Variants in KLF12 observed in about 807,000 individuals in gnomAD.
The protein encoded by KLF12 is Krueppel-like factor 12.
In KLF12, 9 loss-of-function variants were observed where a neutral mutation model predicts 37.8. The observed-to-expected ratio is 0.24, with a 90% CI of 0.14 to 0.42. KLF12 has a LOEUF of 0.42. Among genes scored for constraint, KLF12 ranks in the 10% least tolerant of loss-of-function variants. The pLI, the probability that KLF12 is intolerant of heterozygous loss-of-function variation, is 1.00. For synonymous variants in KLF12, 208 were observed against 202.1 expected, an observed-to-expected ratio of 1.03 and a Z score of -0.25; for missense variants, 411 against 516.0, an observed-to-expected ratio of 0.80 and a Z score of 1.97.
chr13:74,016,505 G>A (rs1352059978), intron 1 of KLF12, among the ~76,000 whole-genome samples: 1 of 152,130 alleles, frequency 6.6e-6, no homozygotes, highest in Non-Finnish European at 1.5e-5. Context: ...AGGAGTACAG[G>A]CATGTGCCAC....
intron 3 of KLF12, among the ~76,000 whole-genome samples, chr13:73,920,912 G>A (rs368545715): frequency 5.4e-4 from 82 of 152,224 alleles, no homozygotes; most frequent in African/African-American, 1.8e-3. Flanking sequence ...GAAGCACAGC[G>A]AGGGGCTTTC....
At position 73,874,380 on chromosome 13, in the gene KLF12, A is replaced by G. The variant is rs116620410; in HGVS notation, c.124-28007T>C. Among the ~76,000 whole-genome samples, 722 of 152,312 alleles carry G rather than the reference A, an allele frequency of 4.7e-3. 6 individuals are homozygous for G. The highest frequency in any genetic ancestry group is 0.015 in the African/African-American group (638 of 41,570). On this transcript the variant is annotated intron_variant, in intron 3 of 7. Coordinates refer to ENST00000377669, the MANE Select transcript of KLF12 (RefSeq NM_007249.5). ...CATGCCTGTTCAATACGTTTAAGCA[A>G]TTACGCACTACCATAAATTAGAAAA...
At chr13:74,214,107 TA>T in the KLF12 span, among the ~76,000 whole-genome samples, 3 of 152,218 alleles carry the variant, frequency 2.0e-5, no homozygotes, top group Admixed American at 6.6e-5. Context: ...AAAAGTTACT[TA>T]TGATTTTTAT....
chr13:74,296,745 A>G, the KLF12 span, among the ~76,000 whole-genome samples: 1 of 152,200 alleles, frequency 6.6e-6, no homozygotes, highest in African/African-American at 2.4e-5. Context: ...ACCAAATCAC[A>G]TAAGAGAGCT....
At chr13:73,835,472 G>A (rs143286513) in intron 4 of KLF12, among the ~76,000 whole-genome samples, 1 of 152,244 alleles carries the variant, frequency 6.6e-6, no homozygotes, top group Non-Finnish European at 1.5e-5. Context: ...GTGAGGAGTG[G>A]AGGGAGACAG....
At chr13:74,031,296 A>G (rs1021286832) in intron 1 of KLF12, among the ~76,000 whole-genome samples, 3 of 152,196 alleles carry the variant, frequency 2.0e-5, no homozygotes, top group African/African-American at 7.2e-5. Context: ...AATTAGATTT[A>G]CACTCAACAA....
At chr13:74,258,636 A>G in the KLF12 span, 1 of 152,200 alleles carries the variant, frequency 6.6e-6, no homozygotes, top group Non-Finnish European at 1.5e-5. Context: ...TGTAACTAAG[A>G]AGTGTTATCT....
chr13:74,284,669 C>T, the KLF12 span, among the ~76,000 whole-genome samples: 347 of 152,268 alleles, frequency 2.3e-3, 2 homozygotes, highest in African/African-American at 7.8e-3. Flanking sequence ...CAGACAGATC[C>T]AATGGCTCTA....
At chr13:74,226,257 C>T in the KLF12 span, among the ~76,000 whole-genome samples, 4 of 151,934 alleles carry the variant, frequency 2.6e-5, no homozygotes, top group Admixed American at 6.6e-5. Flanking sequence ...GGAGAGGAGG[C>T]GACAATTCCA....
chr13:73,841,994 G>A (rs751490763), intron 4 of KLF12, among the ~76,000 whole-genome samples: 5 of 152,016 alleles, frequency 3.3e-5, no homozygotes, highest in Non-Finnish European at 5.9e-5. Flanking sequence ...GAGATGTCGG[G>A]GTGTTCTGTG....
At chr13:73,917,345 C>G (rs906165094) in intron 3 of KLF12, among the ~76,000 whole-genome samples, 3 of 152,176 alleles carry the variant, frequency 2.0e-5, no homozygotes, top group Non-Finnish European at 4.4e-5. Flanking sequence ...TTTACACTAA[C>G]CTTTCCAATG....
intron 2 of KLF12, among the ~76,000 whole-genome samples, chr13:73,966,659 A>G (rs549889511): frequency 3.3e-5 from 5 of 152,332 alleles, no homozygotes; most frequent in Admixed American, 1.3e-4. Context: ...AAAGTAGTCA[A>G]TTCCTTACAT....
At chr13:73,802,458 T>C (rs891836593) in intron 5 of KLF12, among the ~76,000 whole-genome samples, 1 of 152,186 alleles carries the variant, frequency 6.6e-6, no homozygotes, top group Non-Finnish European at 1.5e-5. Context: ...ATTTTTATTA[T>C]CTTATTTTTA....
chr13:74,093,242 C>T (rs1407179871), intron 1 of KLF12, among the ~76,000 whole-genome samples: 1 of 152,104 alleles, frequency 6.6e-6, no homozygotes, highest in African/African-American at 2.4e-5. Context: ...CTACAGCGGG[C>T]GGATAACTGG....
At chr13:74,220,888 TA>T in the KLF12 span, among the ~76,000 whole-genome samples, 5 of 152,242 alleles carry the variant, frequency 3.3e-5, no homozygotes, top group Non-Finnish European at 7.3e-5. Context: ...TGTGTATATA[TA>T]ATGTCTTCAT....
At chr13:74,220,077 A>T in the KLF12 span, among the ~76,000 whole-genome samples, 1 of 151,526 alleles carries the variant, frequency 6.6e-6, no homozygotes, top group African/African-American at 2.4e-5. Flanking sequence ...AACTTCCATG[A>T]TTTTTTCTTC....
intron 3 of KLF12, among the ~76,000 whole-genome samples, chr13:73,917,989 C>T (rs1888923589): frequency 2.6e-5 from 4 of 151,852 alleles, no homozygotes; most frequent in Admixed American, 2.6e-4. Flanking sequence ...AGTTAAAAAG[C>T]TTAGTCTAGC....
chr13:73,773,050 G>A (rs1880369978), intron 5 of KLF12, among the ~76,000 whole-genome samples: 1 of 152,124 alleles, frequency 6.6e-6, no homozygotes, highest in Non-Finnish European at 1.5e-5. Flanking sequence ...AATAAAGGAG[G>A]AGGATCATGT....
intron 1 of KLF12, among the ~76,000 whole-genome samples, chr13:74,128,649 T>C (rs1264229568): frequency 6.6e-6 from 1 of 152,244 alleles, no homozygotes; most frequent in Admixed American, 6.5e-5. Flanking sequence ...GAGGTTACCA[T>C]TCATTGTGAA....
Sources: allele counts gnomAD v4.1 joint callset (sites outside exome capture counted in the v4.1 genomes callset), GRCh38; gene constraint gnomAD v4.1.1; transcripts MANE v1.5; gene names NCBI Gene and HGNC (gene_info 2026-07-23, HGNC 2026-07-21).